The following RALGPS2 variants were observed in gnomAD, a reference collection of about 807,000 sequenced individuals.
RALGPS2 encodes the protein ras-specific guanine nucleotide-releasing factor RalGPS2.
In RALGPS2, 43 loss-of-function variants were observed where a neutral mutation model predicts 86.8. The observed-to-expected ratio is 0.50, with a 90% confidence interval of 0.39 to 0.64. The LOEUF (loss-of-function observed/expected upper bound fraction) is 0.64. Ranked by LOEUF, RALGPS2 falls within the 30% of genes least tolerant of loss-of-function variation. The pLI is 0.00. For synonymous variants in RALGPS2, 243 were observed against 231.3 expected (o/e 1.05, Z -0.46); for missense variants, 536 against 694.6 (o/e 0.77, Z 2.57).
At chr1:178,774,403 A>G (rs892972955) in intron 1 of RALGPS2, among the ~76,000 whole-genome samples, 1 of 152,250 alleles carries the variant, frequency 6.6e-6, no homozygotes, top group Non-Finnish European at 1.5e-5. Flanking sequence ...TGATATGTAA[A>G]GTAAGTTAAA....
chr1:178,856,252 T>C lies in RALGPS2; in HGVS notation c.608-21246T>C, dbSNP rs185393746. The stretch of plus-strand genomic sequence containing the variant: ...ATATATATGGTTTTGGGTTTTGTTT[T>C]TTTTGGAGCCTGTTTCCCAGGCTGG... On this transcript the variant is annotated intron_variant, in intron 8 of 19. Coordinates refer to ENST00000367635, the MANE Select transcript of RALGPS2 (RefSeq NM_152663.5). Among the ~76,000 whole-genome samples, 792 of 144,736 alleles carry C rather than the reference T, an allele frequency of 5.5e-3. 17 individuals are homozygous for C. The highest frequency in any genetic ancestry group is 0.02 in the African/African-American group (765 of 38,234). 95.0% of individuals were successfully genotyped at this position (144,736 alleles called of 152,430 possible). A position where few individuals can be genotyped will look rare whatever the true frequency, so the allele number is the denominator to read the frequency against.
At chr1:178,790,029 G>C (rs922824292) in intron 4 of RALGPS2, among the ~76,000 whole-genome samples, 1 of 152,052 alleles carries the variant, frequency 6.6e-6, no homozygotes, top group African/African-American at 2.4e-5. Context: ...GCTCACTGCA[G>C]CCAGGACCTC....
intron 13 of RALGPS2, among the ~76,000 whole-genome samples, chr1:178,888,506 T>G (rs904047494): frequency 6.6e-6 from 1 of 152,140 alleles, no homozygotes; most frequent in Non-Finnish European, 1.5e-5. Context: ...GAGAAGCATA[T>G]TCACTCTGAG....
At chr1:178,782,733 T>G (rs1203799627) in intron 2 of RALGPS2, among the ~76,000 whole-genome samples, 3 of 151,614 alleles carry the variant, frequency 2.0e-5, no homozygotes, top group Non-Finnish European at 2.9e-5. Context: ...CTGAAAGAAC[T>G]GCAAGGCTCA....
intron 16 of RALGPS2, 46 bp downstream of exon 16, chr1:178,894,070 C>G: frequency 8.8e-7 from 1 of 1,132,152 alleles, no homozygotes; most frequent in Non-Finnish European, 1.3e-6. Context: ...TAAAAATATG[C>G]AAATTTATAA....
At chr1:178,783,250 G>A (rs1020871518) in intron 2 of RALGPS2, among the ~76,000 whole-genome samples, 5 of 152,214 alleles carry the variant, frequency 3.3e-5, no homozygotes, top group Admixed American at 1.3e-4. Context: ...GTAGACTGGT[G>A]ACCAATAGAC....
At chr1:178,767,358 C>CTTTTTTTTTTTTTTTTT (rs1159630163) in intron 1 of RALGPS2, among the ~76,000 whole-genome samples, 142 of 70,432 alleles carry the variant, frequency 2.0e-3, no homozygotes, top group African/African-American at 2.8e-3. Context: ...TGTCCTTTGG[C>CTTTTTTTTTTTTTTTTT]TTTTTTTTTT....
rs57628726 is a variant in RALGPS2 at position 178,731,272 on chromosome 1, G to GTTTTTTTT, written c.-84+5875_-84+5882dup. ...TGATTATACTTTTCTAGTTGTTTTG[G>GTTTTTTTT]TTTTTTTTTTTTTTTTTTTTTTTTT... On this transcript the variant is annotated intron_variant, in intron 1 of 19. Transcript: ENST00000367635. Among the ~76,000 whole-genome samples the GTTTTTTTT allele has an allele frequency of 1.2e-3, 67 of 57,966 alleles. 9 individuals are homozygous for GTTTTTTTT. Among genetic ancestry groups the GTTTTTTTT allele is most frequent in the African/African-American group, 2.5e-3 (38 of 15,036 alleles). The allele number at this position is 57,966 out of a possible 152,430, so 38.0% of individuals were successfully genotyped here. A position where few individuals can be genotyped will look rare whatever the true frequency, so the allele number is the denominator to read the frequency against.
At chr1:178,833,686 A>C in intron 8 of RALGPS2, 136 bp downstream of exon 8, 1 of 1,352,894 alleles carries the variant, frequency 7.4e-7, no homozygotes, top group Non-Finnish European at 9.5e-7. Context: ...AGCTGAAAAA[A>C]ATGACTAAAG....
At chr1:178,844,891 A>G (rs1656792979) in intron 8 of RALGPS2, among the ~76,000 whole-genome samples, 1 of 152,310 alleles carries the variant, frequency 6.6e-6, no homozygotes, top group African/African-American at 2.4e-5. Flanking sequence ...CCAAGAAAGC[A>G]TATTTTGGCT....
At chr1:178,758,483 G>C (rs1028765560) in intron 1 of RALGPS2, among the ~76,000 whole-genome samples, 1 of 151,940 alleles carries the variant, frequency 6.6e-6, no homozygotes, top group African/African-American at 2.4e-5. Flanking sequence ...TCAAATACTA[G>C]GTCTTATTCT....
In RALGPS2 at chr1:178,820,985, A is replaced by G. The variant is rs529798513; in HGVS notation, c.388-627A>G. ...CAGGCAGTATTTAAAAATCTGGGAA[A>G]TTAGCAATAAATGTTATGCAGATCT... is the stretch of plus-strand genomic sequence containing the variant. On this transcript the variant is annotated intron_variant, in intron 6 of 19. Transcript: ENST00000367635. 1.5e-3 allele frequency among the ~76,000 whole-genome samples: 224 copies of G among 152,332 alleles called. 1 individual carries two copies. The highest frequency in any genetic ancestry group is 4.7e-3 in the African/African-American group (195 of 41,584).
chr1:178,814,783 C>T (rs1655150212), intron 6 of RALGPS2, among the ~76,000 whole-genome samples: 1 of 152,104 alleles, frequency 6.6e-6, no homozygotes, highest in Admixed American at 6.5e-5. Flanking sequence ...AGATAACCTC[C>T]AAACTGATTT....
In RALGPS2 at chr1:178,784,488, T is replaced by C. The variant is rs1352110669; in HGVS notation, c.128T>C (p.Phe43Ser). Residue 43 changes from phenylalanine to serine, a missense_variant, in exon 3 of 20, where the codon TTC (phenylalanine) becomes TCC (serine). Physicochemically the swap from Phe to Ser is radical, Grantham distance 155 (BLOSUM62 -2). Around this residue, in one of 3 missense-constraint regions of RALGPS2, gnomAD observed 184 missense variants for 296.7 expected, o/e 0.62. Transcript: ENST00000367635. ...AAGAAAAGCTTTGATGCTGTGGTAT[T>C]CGATGTTCTTAAGGTTACACCAGAA... ...ELKKSFDAVV[F>S]DVLKVTPEEY... 1 of 1,605,866 alleles carries C rather than the reference T, an allele frequency of 6.2e-7. No homozygotes were observed. Among genetic ancestry groups the C allele is most frequent in the Non-Finnish European group, 8.5e-7 (1 of 1,174,684 alleles).
At chr1:178,853,711 G>A (rs375893697) in intron 8 of RALGPS2, 2 of 1,612,140 alleles carry the variant, frequency 1.2e-6, no homozygotes, top group African/African-American at 2.7e-5. Flanking sequence ...GTCCATTGCT[G>A]TTTTCAGGTT....
intron 8 of RALGPS2, chr1:178,864,814 A>C (rs992958240): frequency 7.0e-5 from 35 of 497,666 alleles, no homozygotes; most frequent in Non-Finnish European, 4.7e-5. Flanking sequence ...TCAATTCTTG[A>C]TATTAATAAA....
At chr1:178,915,570 A>G (rs762502546) in intron 19 of RALGPS2, among the ~76,000 whole-genome samples, 2 of 152,240 alleles carry the variant, frequency 1.3e-5, no homozygotes, top group Non-Finnish European at 2.9e-5. Context: ...CTGAAAATTT[A>G]TACTTTAAGC....
intron 2 of RALGPS2, among the ~76,000 whole-genome samples, chr1:178,782,195 A>G (rs1558117045): frequency 6.6e-6 from 1 of 152,166 alleles, no homozygotes; most frequent in Non-Finnish European, 1.5e-5. Context: ...CTAATTGATG[A>G]ACTGCTGGAG....
chr1:178,897,891 A>G, intron 17 of RALGPS2, 135 bp downstream of exon 17: 2 of 616,714 alleles, frequency 3.2e-6, no homozygotes, highest in Non-Finnish European at 5.6e-6. Flanking sequence ...AAAAGTTTTT[A>G]CATTTATTTC....
Sources: gnomAD v4.1 joint callset for allele counts (sites outside exome capture counted in the v4.1 genomes callset) on GRCh38, gnomAD v4.1.1 for gene constraint, gnomAD v4.1.1 regional missense constraint, MANE v1.5 for transcripts, NCBI Gene and HGNC (gene_info 2026-07-23, HGNC 2026-07-21) for gene names.